IGSF11: variants seen among roughly 807,000 people sequenced by gnomAD.
The protein encoded by IGSF11 is CXADR like 1.
In IGSF11, 22 loss-of-function variants were observed where a neutral mutation model predicts 41.0. That is an observed-to-expected ratio of 0.54 (90% CI 0.38 to 0.77). IGSF11 has a LOEUF of 0.77. Among genes scored for constraint, IGSF11 ranks in the 30% least tolerant of loss-of-function variants. IGSF11 has a pLI of 0.00. For synonymous variants in IGSF11, 219 were observed against 201.3 expected (o/e 1.09, Z -0.74); for missense variants, 444 against 530.8 (o/e 0.84, Z 1.61).
chr3:119,078,976 T>C (rs1333732464), intron 1 of IGSF11, among the ~76,000 whole-genome samples: 1 of 152,024 alleles, frequency 6.6e-6, no homozygotes, highest in Non-Finnish European at 1.5e-5. Context: ...CATGAAAAAA[T>C]GTTTCACATC....
At position 119,034,563 on chromosome 3, in the gene IGSF11, G is replaced by A. The variant is rs1940752071; in HGVS notation, c.20C>T (p.Pro7Leu). 5 of 1,592,934 alleles carry A rather than the reference G, an allele frequency of 3.1e-6. No individual in the cohort carries two copies. Among genetic ancestry groups the A allele is most frequent in the Admixed American group, 1.7e-5 (1 of 57,792 alleles). MTSQRS[P>L]LAPLLLLSLH... is the part of the protein sequence containing the mutation. ...AGAGAGGAGCAGCAAAGGCGCCAGA[G>A]GGGAACGCTGAGAAGTCATCCCGGG... Residue 7 changes from proline to leucine, a missense_variant, in exon 1 of 7, where the codon CCT becomes CTT. This residue lies in a region of IGSF11 where 28 missense variants were observed against 21.1 expected (regional missense o/e 1.33). Coordinates refer to ENST00000393775, the MANE Select transcript of IGSF11 (RefSeq NM_001015887.3).
chr3:119,045,609 C>G lies in IGSF11; in HGVS notation c.49+59535G>C, dbSNP rs551637716. Among the ~76,000 whole-genome samples, 137 of 152,110 alleles carry G rather than the reference C, an allele frequency of 9.0e-4. No homozygotes were observed. The South Asian group carries it at 0.027, about 31-fold the overall frequency. On this transcript the variant is annotated intron_variant, in intron 1 of 6. Coordinates refer to the IGSF11 transcript ENST00000354673. ...CCCAGGCTTGCTTAGGTAAACAAAG[C>G]AGCCAAGAAGCTCCAACTGGGTGGA...
At chr3:118,959,945 TG>T (rs1945226190) in intron 1 of IGSF11, among the ~76,000 whole-genome samples, 1 of 150,652 alleles carries the variant, frequency 6.6e-6, no homozygotes, top group Non-Finnish European at 1.5e-5. Context: ...CTCGGGAGGC[TG>T]AGGCAGGAGA....
rs773629427 is a variant in IGSF11, at chr3:118,904,774, A to G, written c.728T>C (p.Ile243Thr). 1.2e-6 allele frequency: 2 copies of G among 1,612,524 alleles called. No homozygotes were observed. The highest frequency in any genetic ancestry group is 1.7e-6 in the Non-Finnish European group (2 of 1,179,480). The change falls in exon 6 of 7, where the codon ATA (isoleucine) becomes ACA (threonine). Residue 243 changes from isoleucine (I) to threonine (T), a missense_variant. Around this residue, in one of 3 missense-constraint regions of IGSF11, gnomAD observed 193 missense variants for 283.5 expected, o/e 0.68. Coordinates refer to ENST00000393775, the MANE Select transcript of IGSF11 (RefSeq NM_001015887.3). ...ISPQPRNIGL[I>T]AGAIGTGAVI... is the part of the protein sequence containing the mutation. Reference sequence around the variant, plus strand: ...TGCACCAGTGCCAATGGCTCCAGCTATTAGTCCAATGTTCCTGGGCTGGGC... The same window carrying G: ...TGCACCAGTGCCAATGGCTCCAGCTGTTAGTCCAATGTTCCTGGGCTGGGC...
At chr3:118,986,300 T>G (rs1463582234) in intron 1 of IGSF11, among the ~76,000 whole-genome samples, 5 of 152,120 alleles carry the variant, frequency 3.3e-5, no homozygotes, top group Non-Finnish European at 5.9e-5. Flanking sequence ...TAAATGTCTA[T>G]TCACTCATCT....
intron 1 of IGSF11, among the ~76,000 whole-genome samples, chr3:119,010,510 T>C (rs1230719992): frequency 6.6e-6 from 1 of 152,176 alleles, no homozygotes; most frequent in Non-Finnish European, 1.5e-5. Context: ...CTCTTCCTTA[T>C]GTGAGTGGGC....
At chr3:119,032,118 T>G (rs1348387360) in intron 1 of IGSF11, among the ~76,000 whole-genome samples, 1 of 152,240 alleles carries the variant, frequency 6.6e-6, no homozygotes, top group African/African-American at 2.4e-5. Context: ...TTTATTAACA[T>G]CGATTTTCTT....
At chr3:118,930,447 G>A (rs985193701) in intron 1 of IGSF11, among the ~76,000 whole-genome samples, 172 bp from the exon 2 acceptor site, 2 of 152,152 alleles carry the variant, frequency 1.3e-5, no homozygotes, top group African/African-American at 2.4e-5. Flanking sequence ...AATAAAAATG[G>A]TTCATCCCTT....
chr3:119,122,051 A>G (rs903920960), intron 1 of IGSF11, among the ~76,000 whole-genome samples: 2 of 152,162 alleles, frequency 1.3e-5, no homozygotes, highest in Non-Finnish European at 2.9e-5. Context: ...CATCAAATTT[A>G]ACAAGTATCT....
chr3:118,913,712 C>A (rs1940649262), intron 4 of IGSF11, among the ~76,000 whole-genome samples: 1 of 151,798 alleles, frequency 6.6e-6, no homozygotes. Context: ...ATGAAAGAAG[C>A]AATGGAGCAA....
chr3:118,992,930 C>T (rs9817851), intron 1 of IGSF11, among the ~76,000 whole-genome samples: 7,296 of 152,100 alleles, frequency 0.048, 243 homozygotes, highest in African/African-American at 0.088. Flanking sequence ...TAAAATTCAG[C>T]AACAAAAATA....
intron 1 of IGSF11, among the ~76,000 whole-genome samples, chr3:119,092,445 C>T (rs1241010746): frequency 6.6e-6 from 1 of 152,048 alleles, no homozygotes; most frequent in African/African-American, 2.4e-5. Context: ...AAGAGATTCT[C>T]CTGTCTCCCA....
intron 1 of IGSF11, among the ~76,000 whole-genome samples, chr3:119,100,473 G>T (rs894787831): frequency 6.6e-6 from 1 of 152,218 alleles, no homozygotes; most frequent in African/African-American, 2.4e-5. Context: ...TCACAGAGAT[G>T]ATGACAATTT....
intron 4 of IGSF11, among the ~76,000 whole-genome samples, chr3:118,923,725 T>C (rs1193880997): frequency 3.9e-5 from 6 of 152,226 alleles, no homozygotes; most frequent in African/African-American, 1.4e-4. Flanking sequence ...CTAGTCTTTT[T>C]CAATTTGAAC....
intron 1 of IGSF11, among the ~76,000 whole-genome samples, chr3:119,102,544 C>A (rs563419897): frequency 1.3e-5 from 2 of 152,228 alleles, no homozygotes; most frequent in African/African-American, 4.8e-5. Context: ...CTACAGAATA[C>A]CATTTCCATA....
chr3:118,952,221 T>A (rs1048614106), intron 1 of IGSF11, among the ~76,000 whole-genome samples: 1 of 152,190 alleles, frequency 6.6e-6, no homozygotes, highest in Non-Finnish European at 1.5e-5. Flanking sequence ...ATAGAAGGTC[T>A]TGCCTCAATG....
At chr3:119,096,402 C>A (rs2076851962) in intron 1 of IGSF11, among the ~76,000 whole-genome samples, 1 of 151,632 alleles carries the variant, frequency 6.6e-6, no homozygotes, top group Non-Finnish European at 1.5e-5. Flanking sequence ...ACATATACAG[C>A]CATATACATA....
chr3:119,133,676 T>C (rs940744126), intron 1 of IGSF11, among the ~76,000 whole-genome samples: 3 of 152,166 alleles, frequency 2.0e-5, no homozygotes, highest in Admixed American at 2.0e-4. Context: ...TCTGAAACTA[T>C]TCCAATCAAT....
At chr3:118,937,614 G>A (rs1281876095) in intron 1 of IGSF11, among the ~76,000 whole-genome samples, 2 of 152,222 alleles carry the variant, frequency 1.3e-5, no homozygotes, top group East Asian at 3.9e-4. Flanking sequence ...AATATAGATG[G>A]CTCTATTACA....
Sources: gnomAD v4.1 joint callset for allele counts (sites outside exome capture counted in the v4.1 genomes callset) on GRCh38, gnomAD v4.1.1 for gene constraint, gnomAD v4.1.1 regional missense constraint, MANE v1.5 for transcripts, NCBI Gene and HGNC (gene_info 2026-07-23, HGNC 2026-07-21) for gene names.